The following RARB variants were observed in gnomAD, a reference collection of about 807,000 sequenced individuals.
RARB encodes retinoic acid receptor beta.
In RARB, 17 loss-of-function variants were observed where a neutral mutation model predicts 51.9. The ratio of observed to expected loss-of-function variants is 0.33; its 90% confidence interval spans 0.22 to 0.49. The LOEUF is 0.49. Ranked by LOEUF, RARB falls within the 20% of genes least tolerant of loss-of-function variation. The pLI is 0.99. For synonymous variants in RARB, 215 were observed against 195.4 expected, an observed-to-expected ratio of 1.10 and a Z score of -0.84; for missense variants, 369 against 550.8, an observed-to-expected ratio of 0.67 and a Z score of 3.30.
chr3:25,557,137 TCACACACACACA>T (rs55731301), intron 3 of RARB, among the ~76,000 whole-genome samples: 3,587 of 145,440 alleles, frequency 0.025, 155 homozygotes, highest in African/African-American at 0.088. Flanking sequence ...GGCATTGCAT[TCACACACACACA>T]CACACACACA....
intron 5 of RARB, among the ~76,000 whole-genome samples, chr3:25,390,127 G>A (rs187430840): frequency 6.6e-6 from 1 of 152,244 alleles, no homozygotes; most frequent in East Asian, 1.9e-4. Context: ...ATGACATTAA[G>A]AGGTGGGACT....
intron 5 of RARB, among the ~76,000 whole-genome samples, chr3:25,583,245 C>T (rs912656157): frequency 6.6e-6 from 1 of 152,216 alleles, no homozygotes; most frequent in African/African-American, 2.4e-5. Context: ...GTTCAAAGAG[C>T]ATATTTTGAA....
chr3:25,584,511 C>T (rs1261758835), intron 5 of RARB, among the ~76,000 whole-genome samples: 1 of 152,128 alleles, frequency 6.6e-6, no homozygotes, highest in Non-Finnish European at 1.5e-5. Context: ...AGAAAAGACA[C>T]TGATGGGAGG....
intron 2 of RARB, among the ~76,000 whole-genome samples, chr3:25,005,457 C>A (rs1227932784): frequency 2.0e-5 from 3 of 152,134 alleles, no homozygotes; most frequent in Non-Finnish European, 4.4e-5. Flanking sequence ...GCTTAAAGTG[C>A]CAGCAAGTTA....
chr3:25,204,155 C>T (rs2125373047), intron 5 of RARB, among the ~76,000 whole-genome samples: 1 of 152,300 alleles, frequency 6.6e-6, no homozygotes, highest in African/African-American at 2.4e-5. Flanking sequence ...TCTAACTTCT[C>T]TTCTTGCTTC....
intron 2 of RARB, among the ~76,000 whole-genome samples, chr3:25,475,329 A>G (rs1213766395): frequency 1.3e-5 from 2 of 152,064 alleles, no homozygotes; most frequent in Non-Finnish European, 2.9e-5. Context: ...AGGGATGGTA[A>G]GAGTGACCTC....
intron 2 of RARB, among the ~76,000 whole-genome samples, chr3:25,467,541 C>A (rs200193269): frequency 4.5e-5 from 2 of 44,312 alleles, no homozygotes; most frequent in Non-Finnish European, 1.0e-4. Context: ...TCCAGTGAAC[C>A]AGCTCAAACA....
At chr3:25,575,906 T>C (rs1177681356) in intron 4 of RARB, among the ~76,000 whole-genome samples, 75 of 152,214 alleles carry the variant, frequency 4.9e-4, no homozygotes, top group Non-Finnish European at 1.9e-4. Flanking sequence ...TACCTTTCCA[T>C]GCTTGCCGCT....
At chr3:25,007,591 T>TAAAAAAAAAAAAAAAAAA (rs1697298957) in intron 2 of RARB, among the ~76,000 whole-genome samples, 1 of 17,338 alleles carries the variant, frequency 5.8e-5, no homozygotes, top group Non-Finnish European at 9.0e-5. Context: ...TGAGACTGTC[T>TAAAAAAAAAAAAAAAAAA]CAAAAAAAAA....
intron 5 of RARB, among the ~76,000 whole-genome samples, chr3:25,421,043 G>T (rs1707844376): frequency 6.9e-6 from 1 of 145,938 alleles, no homozygotes; most frequent in Non-Finnish European, 1.5e-5. Context: ...TCTATTTCCT[G>T]TCTTCCACAG....
chr3:24,972,748 T>C (rs9847103), intron 2 of RARB, among the ~76,000 whole-genome samples: 104,562 of 151,808 alleles, frequency 0.69, 36,410 homozygotes, highest in East Asian at 0.84. Context: ...ATTAGTGATA[T>C]TAAACATTTT....
At chr3:24,937,187 C>A (rs888869162) in intron 2 of RARB, among the ~76,000 whole-genome samples, 6 of 152,098 alleles carry the variant, frequency 3.9e-5, no homozygotes, top group Non-Finnish European at 8.8e-5. Flanking sequence ...AAATTAAAGT[C>A]GTGTCTTCTT....
chr3:25,355,293 G>GT (rs781572987), intron 5 of RARB, among the ~76,000 whole-genome samples: 3 of 151,946 alleles, frequency 2.0e-5, no homozygotes, highest in South Asian at 2.1e-4. Flanking sequence ...GTTTGGGCGT[G>GT]TTTTTTGTTT....
chr3:24,988,905 A>C (rs1696851768), intron 2 of RARB, among the ~76,000 whole-genome samples: 1 of 152,122 alleles, frequency 6.6e-6, no homozygotes, highest in Non-Finnish European at 1.5e-5. Context: ...GGCTCACTGC[A>C]ACCTCCGCTT....
At position 25,520,849 on chromosome 3, in the gene RARB, G is replaced by T. The variant is rs115023516; in HGVS notation, c.448+19526G>T. Among the ~76,000 whole-genome samples, 1,518 of 152,296 alleles carry T rather than the reference G, an allele frequency of 1.0e-2. 32 individuals carry two copies. Among genetic ancestry groups the T allele is most frequent in the African/African-American group, 0.035 (1,447 of 41,550 alleles). On this transcript the variant is annotated intron_variant, in intron 3 of 7. Transcript: ENST00000330688. ...CTTTAATAAACTACCAAAAAGGTAT[G>T]TAAAGCAAATTCCCTTAAGCCAGCA... is the stretch of plus-strand genomic sequence containing the variant.
At position 24,956,912 on chromosome 3, in the gene RARB, T is replaced by C. The variant is rs142932774; in HGVS notation, c.-380+98160T>C. 1.2e-4 allele frequency among the ~76,000 whole-genome samples: 18 copies of C among 152,332 alleles called. No homozygotes were observed. In the East Asian group the frequency reaches 3.3e-3, roughly 28 times the overall value. ...TGGACCAGAGAGAAGGAGGAATTCA[T>C]ACAGTTGCAACAGCCAGTACAGTTA... On this transcript the variant is annotated intron_variant, in intron 2 of 11. Transcript: ENST00000383772.
intron 5 of RARB, among the ~76,000 whole-genome samples, chr3:25,312,663 T>C (rs1704318053): frequency 6.6e-6 from 1 of 152,080 alleles, no homozygotes; most frequent in Non-Finnish European, 1.5e-5. Context: ...GCCCAAACAA[T>C]AGTTACAAAG....
chr3:25,070,703 C>T (rs1698750174), intron 3 of RARB, among the ~76,000 whole-genome samples: 1 of 152,190 alleles, frequency 6.6e-6, no homozygotes, highest in Admixed American at 6.5e-5. Context: ...CATGACAACC[C>T]TATGTGGAAA....
chr3:25,236,861 CA>C (rs1395131166), intron 5 of RARB, among the ~76,000 whole-genome samples: 8 of 151,280 alleles, frequency 5.3e-5, no homozygotes, highest in African/African-American at 1.7e-4. Context: ...GATCTCGCAT[CA>C]TTTTTTTATG....
Sources: gnomAD v4.1 joint callset for allele counts (sites outside exome capture counted in the v4.1 genomes callset) on GRCh38, gnomAD v4.1.1 for gene constraint, MANE v1.5 for transcripts, NCBI Gene and HGNC (gene_info 2026-07-23, HGNC 2026-07-21) for gene names.